The following GRID2 variants were observed in gnomAD, a reference collection of about 807,000 sequenced individuals.
GRID2 encodes the protein glutamate ionotropic receptor delta type subunit 2.
GRID2 carries 33 observed loss-of-function variants against 114.8 expected under a neutral mutation model. The ratio of observed to expected loss-of-function variants is 0.29; its 90% confidence interval spans 0.22 to 0.38. The LOEUF (loss-of-function observed/expected upper bound fraction) is 0.38, where lower values mean the gene tolerates loss of function less well. GRID2 is among the 10% of genes least tolerant of loss of function. The probability of loss-of-function intolerance (pLI) is 1.00; values close to 1 mark genes in which losing one functional copy is unlikely to be tolerated. For synonymous variants in GRID2, 505 were observed against 449.9 expected, an observed-to-expected ratio of 1.12 and a Z score of -1.55; for missense variants, 1,184 against 1,257.7, an observed-to-expected ratio of 0.94 and a Z score of 0.89.
intron 14 of GRID2, among the ~76,000 whole-genome samples, chr4:93,720,247 A>G (rs1040061071): frequency 6.6e-6 from 1 of 152,190 alleles, no homozygotes; most frequent in Admixed American, 6.5e-5. Context: ...CTCATTTTAA[A>G]TGATAGGCAG....
chr4:92,470,026 TAACA>T (rs1721956049), intron 1 of GRID2, among the ~76,000 whole-genome samples: 1 of 151,894 alleles, frequency 6.6e-6, no homozygotes, highest in Non-Finnish European at 1.5e-5. Flanking sequence ...TTGTATTATA[TAACA>T]AACCCTACTG....
chr4:92,587,152 A>G (rs897906938), intron 1 of GRID2, among the ~76,000 whole-genome samples: 1 of 146,342 alleles, frequency 6.8e-6, no homozygotes, highest in East Asian at 2.0e-4. Context: ...CAGTGGTGGA[A>G]TAATTATTTT....
chr4:92,688,152 C>T (rs183927479), intron 2 of GRID2, among the ~76,000 whole-genome samples: 201 of 147,194 alleles, frequency 1.4e-3, no homozygotes, highest in African/African-American at 4.6e-3. Context: ...TGGGTTCAAG[C>T]GCTTCTCCTG....
chr4:93,653,775 G>A (rs778624305), intron 14 of GRID2, among the ~76,000 whole-genome samples: 3 of 152,052 alleles, frequency 2.0e-5, no homozygotes, highest in East Asian at 1.9e-4. Context: ...TCTCTGAGAT[G>A]AGAGTATAAT....
At chr4:93,495,677 G>T (rs1486143215) in intron 12 of GRID2, among the ~76,000 whole-genome samples, 1 of 151,728 alleles carries the variant, frequency 6.6e-6, no homozygotes, top group African/African-American at 2.4e-5. Flanking sequence ...TCTAATGCAT[G>T]TATATTTACA....
At chr4:92,702,152 TC>T (rs749130076) in intron 2 of GRID2, among the ~76,000 whole-genome samples, 1 of 152,100 alleles carries the variant, frequency 6.6e-6, no homozygotes, top group Non-Finnish European at 1.5e-5. Context: ...TTTATTTTTC[TC>T]CCAGTATGAA....
intron 8 of GRID2, among the ~76,000 whole-genome samples, chr4:93,298,636 ATCC>A (rs1042503403): frequency 3.3e-5 from 5 of 152,340 alleles, no homozygotes; most frequent in South Asian, 2.1e-4. Flanking sequence ...TAAATAAGCC[ATCC>A]TCAGAATTTA....
chr4:93,507,138 G>A (rs1400272545), intron 12 of GRID2, among the ~76,000 whole-genome samples: 1 of 152,050 alleles, frequency 6.6e-6, no homozygotes, highest in Non-Finnish European at 1.5e-5. Flanking sequence ...ACCCCTTCAG[G>A]CACTAAAAAT....
At chr4:92,868,125 A>T (rs1273722502) in intron 2 of GRID2, among the ~76,000 whole-genome samples, 2 of 146,478 alleles carry the variant, frequency 1.4e-5, no homozygotes, top group Non-Finnish European at 3.0e-5. Flanking sequence ...TTTAATGTGC[A>T]GTTGACAAGT....
chr4:93,115,718 T>G (rs1350482059), intron 4 of GRID2, among the ~76,000 whole-genome samples: 1 of 152,074 alleles, frequency 6.6e-6, no homozygotes, highest in Non-Finnish European at 1.5e-5. Flanking sequence ...ATGTCTTACA[T>G]GGTGGCAGGC....
At chr4:93,735,496 C>G (rs1202447351) in intron 14 of GRID2, among the ~76,000 whole-genome samples, 1 of 151,854 alleles carries the variant, frequency 6.6e-6, no homozygotes, top group East Asian at 1.9e-4. Flanking sequence ...CATTTTCTAT[C>G]TAAGCCTCCA....
chr4:93,407,709 C>CTCA (rs148280882), intron 9 of GRID2, among the ~76,000 whole-genome samples: 4 of 122,500 alleles, frequency 3.3e-5, no homozygotes, highest in African/African-American at 1.6e-4. Flanking sequence ...AGGTCTCCTC[C>CTCA]TCCTCCTCCT....
chr4:92,853,225 A>G (rs1379215314), intron 2 of GRID2, among the ~76,000 whole-genome samples: 1 of 151,988 alleles, frequency 6.6e-6, no homozygotes, highest in Non-Finnish European at 1.5e-5. Flanking sequence ...TAAATGATAT[A>G]ATATATGACT....
intron 8 of GRID2, among the ~76,000 whole-genome samples, chr4:93,251,448 T>C (rs1488862646): frequency 6.6e-6 from 1 of 152,226 alleles, no homozygotes; most frequent in African/African-American, 2.4e-5. Flanking sequence ...GAGCTTATTT[T>C]AAGCAAAACT....
Position 92,335,647 on chromosome 4 carries a change from T to C in GRID2, c.88+30903T>C, listed in dbSNP as rs1727126237. On this transcript the variant is annotated intron_variant, in intron 1 of 15. Transcript: ENST00000282020. ...TTATGCAATTAAAGGAAGTCTAAAG[T>C]ATACAATAAAAAGTTATTTGTATTT... 1.3e-5 allele frequency among the ~76,000 whole-genome samples: 2 copies of C among 152,188 alleles called. 1 individual carries two copies. Among genetic ancestry groups the C allele is most frequent in the South Asian group, 4.1e-4 (2 of 4,830 alleles).
intron 2 of GRID2, among the ~76,000 whole-genome samples, chr4:92,782,534 G>A (rs1247613910): frequency 1.3e-5 from 2 of 152,048 alleles, no homozygotes; most frequent in Non-Finnish European, 2.9e-5. Flanking sequence ...TTCATGCTAT[G>A]TATGTTAGCA....
chr4:93,531,267 G>A (rs1394634150), intron 13 of GRID2, among the ~76,000 whole-genome samples: 1 of 152,104 alleles, frequency 6.6e-6, no homozygotes, highest in Non-Finnish European at 1.5e-5. Context: ...TAATCAGATG[G>A]GATCAGCATT....
chr4:93,098,236 A>AT (rs202190489), intron 3 of GRID2, among the ~76,000 whole-genome samples: 1 of 151,998 alleles, frequency 6.6e-6, no homozygotes, highest in African/African-American at 2.4e-5. Flanking sequence ...TGTTAATGAT[A>AT]TTGACCAACC....
Position 92,720,087 on chromosome 4 carries a change from G to A in GRID2, c.244+129801G>A, listed in dbSNP as rs185783523. Among the ~76,000 whole-genome samples, 138 of 152,120 alleles carry A rather than the reference G, an allele frequency of 9.1e-4. 1 individual carries two copies. Among genetic ancestry groups the A allele is most frequent in the Middle Eastern group, 3.4e-3 (1 of 294 alleles). On this transcript the variant is annotated intron_variant, in intron 2 of 15. Transcript: ENST00000282020. ...TTCAAATTCATATTACTAAGGTTTT[G>A]CATGTACTGTCTCCAGAACATTTCA... is the stretch of plus-strand genomic sequence containing the variant.
Sources: gnomAD v4.1 joint callset for allele counts (sites outside exome capture counted in the v4.1 genomes callset) on GRCh38, gnomAD v4.1.1 for gene constraint, MANE v1.5 for transcripts, NCBI Gene and HGNC (gene_info 2026-07-23, HGNC 2026-07-21) for gene names.